Variants in UTRN observed in about 807,000 individuals in gnomAD.
UTRN encodes dystrophin-related protein 1.
Under a neutral mutation model 463.9 loss-of-function variants are expected in UTRN, and 283 were observed. The ratio of observed to expected loss-of-function variants is 0.61; its 90% confidence interval spans 0.55 to 0.67. The LOEUF (loss-of-function observed/expected upper bound fraction) is 0.67, where lower values mean the gene tolerates loss of function less well. Ranked by LOEUF, UTRN falls within the 30% of genes least tolerant of loss-of-function variation. The pLI is 0.00. For synonymous variants in UTRN, 1,442 were observed against 1,431.5 expected, an observed-to-expected ratio of 1.01 and a Z score of -0.17; for missense variants, 3,922 against 4,084.3, an observed-to-expected ratio of 0.96 and a Z score of 1.08.
chr6:144,414,126 C>T (rs545978320), intron 3 of UTRN, among the ~76,000 whole-genome samples: 28 of 147,872 alleles, frequency 1.9e-4, no homozygotes, highest in Non-Finnish European at 4.0e-4. Context: ...TACTCCTACT[C>T]ATTAAAAAAA....
At chr6:144,660,899 G>A (rs1408632584) in intron 51 of UTRN, among the ~76,000 whole-genome samples, 1 of 152,150 alleles carries the variant, frequency 6.6e-6, no homozygotes, top group East Asian at 1.9e-4. Context: ...CCATAGGAAG[G>A]CTCCTGGCAC....
At chr6:144,695,552 C>G (rs1035324949) in intron 52 of UTRN, among the ~76,000 whole-genome samples, 6 of 152,132 alleles carry the variant, frequency 3.9e-5, no homozygotes, top group Admixed American at 1.3e-4. Flanking sequence ...ACCGTGTTGG[C>G]CAGGCTGCTC....
intron 48 of UTRN, 66 bp downstream of exon 48, chr6:144,551,148 CACACACACACACACACACACAA>C: frequency 1.2e-6 from 1 of 803,192 alleles, no homozygotes; most frequent in South Asian, 2.1e-5. Context: ...CACACACACA[CACACACACACACACACACACAA>C]ACACATTTTC....
chr6:144,545,104 C>T (rs1254249569), intron 46 of UTRN, among the ~76,000 whole-genome samples: 1 of 152,184 alleles, frequency 6.6e-6, no homozygotes, highest in Non-Finnish European at 1.5e-5. Flanking sequence ...AACCTCAACT[C>T]TTCTCTGGAA....
rs112252677 is a variant in UTRN, at chr6:144,730,346, T to C, written c.7810-11T>C. 2.6e-6 allele frequency: 4 copies of C among 1,566,640 alleles called. No individual in the cohort carries two copies. Among genetic ancestry groups the C allele is most frequent in the Non-Finnish European group, 2.6e-6 (3 of 1,155,674 alleles). ...AGGTTACAAACTCAACTTTTGCTTC[T>C]CTTTTGAAAGGCCCTGAGACGGGAG... On this transcript the variant is annotated splice_polypyrimidine_tract_variant and intron_variant, in intron 53 of 74. Transcript: ENST00000367545.
chr6:144,724,585 C>T (rs1304626263), intron 53 of UTRN, among the ~76,000 whole-genome samples: 1 of 151,986 alleles, frequency 6.6e-6, no homozygotes, highest in Admixed American at 6.6e-5. Flanking sequence ...ACTCCTATCC[C>T]TCCCCTCCCT....
chr6:144,504,139 C>T (rs1184296997), intron 34 of UTRN, among the ~76,000 whole-genome samples: 3 of 152,150 alleles, frequency 2.0e-5, no homozygotes, highest in Non-Finnish European at 4.4e-5. Flanking sequence ...AGTTTTTGGG[C>T]TGAGACTGTG....
At position 144,472,770 on chromosome 6, in the gene UTRN, A is replaced by AT. The variant is rs61374314; in HGVS notation, c.3067-934dup. ...GCTAAAATTGCATCTACTTACTTGC[A>AT]TTTTTTTTTTTTTTTTGAGACAGAG... On this transcript the variant is annotated intron_variant, in intron 23 of 74. Transcript: ENST00000367545. 5.3e-3 allele frequency among the ~76,000 whole-genome samples: 743 copies of AT among 139,604 alleles called. 3 individuals carry two copies. The highest frequency in any genetic ancestry group is 0.015 in the African/African-American group (549 of 37,708). 91.6% of individuals were successfully genotyped at this position (139,604 alleles called of 152,430 possible).
intron 48 of UTRN, 57 bp from the exon 49 acceptor site, chr6:144,554,631 C>A: frequency 6.4e-7 from 1 of 1,566,830 alleles, no homozygotes. Context: ...GATATTTTTT[C>A]TTTCTCCTGA....
rs1379688241 is a variant in UTRN at position 144,827,685 on chromosome 6, C to G, written c.9599+9C>G. 6.2e-7 allele frequency: 1 copy of G among 1,613,120 alleles called. No homozygotes were observed. The highest frequency in any genetic ancestry group is 8.5e-7 in the Non-Finnish European group (1 of 1,179,506). ...GAACAATATGCCACACGGTAAGAAA[C>G]TTTGATCAGAGCCCTCCACTGCACT... On this transcript the variant is annotated intron_variant, in intron 68 of 74. Transcript: ENST00000367545.
At chr6:144,836,273 A>G (rs373998236) in intron 70 of UTRN, 28 bp from the exon 71 acceptor site, 15 of 1,613,406 alleles carry the variant, frequency 9.3e-6, no homozygotes, top group Admixed American at 3.3e-5. Context: ...CGTGGTAGTC[A>G]TTCTGTTTCT....
intron 65 of UTRN, among the ~76,000 whole-genome samples, chr6:144,813,188 T>C (rs1202728024): frequency 6.7e-6 from 1 of 148,506 alleles, no homozygotes; most frequent in Non-Finnish European, 1.5e-5. Flanking sequence ...TTTTTATTTA[T>C]TTATTTATTT....
At chr6:144,499,733 C>G (rs1197628055) in intron 34 of UTRN, among the ~76,000 whole-genome samples, 2 of 151,966 alleles carry the variant, frequency 1.3e-5, no homozygotes, top group Non-Finnish European at 2.9e-5. Flanking sequence ...AGCATAGTAC[C>G]CACTAGGTAG....
chr6:144,407,767 G>A (rs567646775), intron 3 of UTRN, among the ~76,000 whole-genome samples: 78 of 152,244 alleles, frequency 5.1e-4, no homozygotes, highest in African/African-American at 1.8e-3. Flanking sequence ...CTCAAAATAT[G>A]TATTCTTTTT....
chr6:144,682,547 T>A (rs9390189), intron 52 of UTRN, among the ~76,000 whole-genome samples: 79,119 of 151,930 alleles, frequency 0.52, 24,954 homozygotes, highest in East Asian at 0.89. Context: ...TAGTTTTTTG[T>A]GGAACCTCCA....
At chr6:144,731,602 C>A (rs950841007) in intron 54 of UTRN, among the ~76,000 whole-genome samples, 6 of 152,178 alleles carry the variant, frequency 3.9e-5, no homozygotes, top group South Asian at 4.1e-4. Flanking sequence ...ACTCAAGGAA[C>A]CTTCTTCAGT....
rs555413367 is a variant in UTRN, at chr6:144,787,068, A to T, written c.8835-2126A>T. 2.4e-4 allele frequency among the ~76,000 whole-genome samples: 37 copies of T among 152,256 alleles called. 1 individual carries two copies. The highest frequency in any genetic ancestry group is 8.2e-4 in the African/African-American group (34 of 41,548). On this transcript the variant is annotated intron_variant, in intron 61 of 74. Transcript: ENST00000367545. ...GACAGTAAAGTGGGAGTCATGCTTT[A>T]ATGCATATTATTTTGACCATTTTTC...
intron 65 of UTRN, among the ~76,000 whole-genome samples, chr6:144,814,803 A>T (rs1778935270): frequency 1.3e-5 from 2 of 152,152 alleles, no homozygotes; most frequent in Admixed American, 1.3e-4. Flanking sequence ...TAATTATGGG[A>T]TTGTCTAGGT....
chr6:144,444,619 T>C (rs188164544), intron 14 of UTRN, among the ~76,000 whole-genome samples: 4 of 152,352 alleles, frequency 2.6e-5, no homozygotes, highest in African/African-American at 9.6e-5. Context: ...ATGTTAGTAC[T>C]TAGAAGATAT....
Sources: gnomAD v4.1 joint callset for allele counts (sites outside exome capture counted in the v4.1 genomes callset) on GRCh38, gnomAD v4.1.1 for gene constraint, MANE v1.5 for transcripts, NCBI Gene and HGNC (gene_info 2026-07-23, HGNC 2026-07-21) for gene names.